The following DMD variants were observed in gnomAD, a reference collection of about 807,000 sequenced individuals.
DMD encodes the protein mutant dystrophin.
Under a neutral mutation model 330.1 loss-of-function variants are expected in DMD, and 63 were observed. That is an observed-to-expected ratio of 0.19 (90% CI 0.16 to 0.24). DMD has a LOEUF of 0.24. DMD is among the 10% of genes least tolerant of loss of function. DMD has a pLI of 1.00. For synonymous variants in DMD, 1,223 were observed against 959.8 expected (o/e 1.27, Z -5.07); for missense variants, 3,344 against 2,684.1 (o/e 1.25, Z -5.43).
At chrX:33,256,471 T>A (rs2052858019) in intron 1 of DMD, among the ~76,000 whole-genome samples, 1 of 110,597 alleles carries the variant, frequency 9.0e-6, no homozygotes, top group East Asian at 2.8e-4. Context: ...TCTAGCTTAT[T>A]TGATTAATAC....
intron 29 of DMD, among the ~76,000 whole-genome samples, chrX:32,422,612 T>G (rs1440229048): frequency 9.0e-6 from 1 of 111,591 alleles, no homozygotes; most frequent in East Asian, 2.8e-4. Context: ...TTCTCCAATT[T>G]TCTTTGATAC....
chrX:31,222,191 G>C (rs1165364475), intron 64 of DMD, among the ~76,000 whole-genome samples: 1 of 67,187 alleles, frequency 1.5e-5, no homozygotes, highest in Admixed American at 1.6e-4. Context: ...GCGAGACTCT[G>C]TCTCAAAAAA....
At chrX:31,918,624 T>G (rs1603593695) in intron 47 of DMD, among the ~76,000 whole-genome samples, 1 of 53,791 alleles carries the variant, frequency 1.9e-5, no homozygotes, top group African/African-American at 1.1e-4. Flanking sequence ...TGTCAACATC[T>G]TTTTTTTTAA....
intron 52 of DMD, among the ~76,000 whole-genome samples, chrX:31,718,215 G>C (rs947594542): frequency 9.0e-6 from 1 of 111,046 alleles, no homozygotes; most frequent in African/African-American, 3.3e-5. Context: ...CAAGGCCCTC[G>C]ACTGGAATTT....
intron 7 of DMD, among the ~76,000 whole-genome samples, chrX:32,703,206 C>G (rs994834668): frequency 9.0e-6 from 1 of 111,415 alleles, no homozygotes; most frequent in African/African-American, 3.3e-5. Context: ...ACTTCTGACT[C>G]CCCCCGCAAA....
In DMD at chrX:31,486,933, A is replaced by T. The variant is rs1328163735; in HGVS notation, c.8548-7830T>A. ...TCAAACACATAAGAATATTTTACCA[A>T]ATGCTCACTTCGGGACAAGCAATGC... On this transcript the variant is annotated intron_variant, in intron 57 of 78. Coordinates refer to ENST00000357033, the MANE Select transcript of DMD (RefSeq NM_004006.3). Among the ~76,000 whole-genome samples the T allele has an allele frequency of 2.7e-5, 3 of 112,039 alleles. No homozygotes were observed. In the East Asian group the frequency reaches 8.4e-4, roughly 31 times the overall value.
At chrX:31,185,149 T>G (rs1031144692) in intron 67 of DMD, among the ~76,000 whole-genome samples, 33 of 111,553 alleles carry the variant, frequency 3.0e-4, no homozygotes, top group African/African-American at 1.0e-3. Context: ...ATAATCTATC[T>G]GTTTTCTATC....
At chrX:33,236,655 C>T (rs113560667) in intron 1 of DMD, among the ~76,000 whole-genome samples, 381 of 110,990 alleles carry the variant, frequency 3.4e-3, no homozygotes, top group Non-Finnish European at 6.3e-3. Flanking sequence ...CCACCTACCA[C>T]AAAGATGACT....
At chrX:31,519,973 T>C (rs1318863817) in intron 55 of DMD, among the ~76,000 whole-genome samples, 1 of 111,791 alleles carries the variant, frequency 8.9e-6, no homozygotes, top group African/African-American at 3.3e-5. Context: ...TCTTCTCTTA[T>C]ACAATAGGGT....
intron 44 of DMD, among the ~76,000 whole-genome samples, chrX:32,149,691 G>A (rs1268939571): frequency 9.0e-6 from 1 of 111,456 alleles, no homozygotes; most frequent in Admixed American, 9.6e-5. Context: ...GTCTTATATT[G>A]GCCATCTACT....
At chrX:33,189,675 A>C (rs1452694058) in intron 1 of DMD, among the ~76,000 whole-genome samples, 1 of 111,196 alleles carries the variant, frequency 9.0e-6, no homozygotes, top group Non-Finnish European at 1.9e-5. Flanking sequence ...GGTTAGGAGT[A>C]AGAGATGAGG....
At chrX:31,260,895 C>CT in intron 63 of DMD, 60 bp downstream of exon 63, 1 of 1,084,779 alleles carries the variant, frequency 9.2e-7, no homozygotes, top group South Asian at 1.9e-5. Context: ...ACACTGCAAA[C>CT]TACTTTATCC....
At chrX:32,348,148 A>G (rs764467029) in intron 38 of DMD, among the ~76,000 whole-genome samples, 20 of 110,928 alleles carry the variant, frequency 1.8e-4, no homozygotes, top group African/African-American at 6.2e-4. Flanking sequence ...TTTGCCCTTG[A>G]TAAGTTCAAA....
chrX:33,156,992 T>C (rs2048536600), intron 1 of DMD, among the ~76,000 whole-genome samples: 1 of 112,109 alleles, frequency 8.9e-6, no homozygotes, highest in African/African-American at 3.2e-5. Flanking sequence ...TGATGTCCAA[T>C]GGAACAGTAA....
At chrX:31,802,082 T>C (rs2149352729) in intron 50 of DMD, among the ~76,000 whole-genome samples, 1 of 110,548 alleles carries the variant, frequency 9.0e-6, no homozygotes, top group South Asian at 3.9e-4. Context: ...AATGTGGAGA[T>C]AAGAGAGTAA....
rs886044407 is a variant in DMD at position 32,365,146 on chromosome X, C to A, written c.4899G>T (p.Glu1633Asp). ...KQKVHLKSITEVGEALKTVLG... is the reference protein window; with the variant it reads ...KQKVHLKSITDVGEALKTVLG... ...AAACTGTTTTCAAGGCCTCTCCTAC[C>A]TCTGTGATACTCTTCAGGTGCACCT... Residue 1633 changes from glutamate to aspartate, a missense_variant, in exon 35 of 79, where the codon GAG (glutamate) becomes GAT (aspartate). Glu to Asp is a conservative substitution (Grantham distance 45, BLOSUM62 2). Coordinates refer to ENST00000357033, the MANE Select transcript of DMD (RefSeq NM_004006.3). The A allele has an allele frequency of 5.0e-6, 6 of 1,210,811 alleles. No homozygotes were observed. Among genetic ancestry groups the A allele is most frequent in the Non-Finnish European group, 4.5e-6 (4 of 895,106 alleles).
At chrX:32,667,986 A>AC (rs1471296405) in intron 9 of DMD, among the ~76,000 whole-genome samples, 1 of 109,724 alleles carries the variant, frequency 9.1e-6, no homozygotes, top group African/African-American at 3.3e-5. Flanking sequence ...TTTAAAAAAA[A>AC]AAAAATACAA....
intron 1 of DMD, among the ~76,000 whole-genome samples, chrX:33,334,188 A>T (rs968522305): frequency 1.8e-5 from 2 of 111,893 alleles, no homozygotes; most frequent in Non-Finnish European, 3.8e-5. Context: ...TTATGGAAAC[A>T]TTAAATAAAC....
At chrX:32,334,168 T>C (rs1466530617) in intron 41 of DMD, among the ~76,000 whole-genome samples, 1 of 111,476 alleles carries the variant, frequency 9.0e-6, no homozygotes, top group Admixed American at 9.6e-5. Flanking sequence ...AAACATAAAA[T>C]GTTAGCTAAT....
Sources: gnomAD v4.1 joint callset for allele counts (sites outside exome capture counted in the v4.1 genomes callset) on GRCh38, gnomAD v4.1.1 for gene constraint, MANE v1.5 for transcripts, NCBI Gene and HGNC (gene_info 2026-07-23, HGNC 2026-07-21) for gene names.